The following KCNK2 variants were observed in gnomAD, a reference collection of about 807,000 sequenced individuals.
The protein encoded by KCNK2 is potassium two pore domain channel subfamily K member 2.
In KCNK2, 21 loss-of-function variants were observed where a neutral mutation model predicts 40.5. The observed-to-expected ratio is 0.52, with a 90% CI of 0.37 to 0.75. The LOEUF (loss-of-function observed/expected upper bound fraction) is 0.75, where lower values mean the gene tolerates loss of function less well. KCNK2 is among the 30% of genes least tolerant of loss of function. KCNK2 has a pLI of 0.00. For synonymous variants in KCNK2, 191 were observed against 202.2 expected, an observed-to-expected ratio of 0.94 and a Z score of 0.47; for missense variants, 399 against 531.6, an observed-to-expected ratio of 0.75 and a Z score of 2.45.
At chr1:215,036,908 A>G (rs1657404334) in intron 1 of KCNK2, among the ~76,000 whole-genome samples, 1 of 151,450 alleles carries the variant, frequency 6.6e-6, no homozygotes, top group Non-Finnish European at 1.5e-5. Flanking sequence ...TATTTGTTCT[A>G]ATATTTGCTT....
chr1:215,144,158 T>C (rs538411417), intron 3 of KCNK2, among the ~76,000 whole-genome samples: 2 of 152,326 alleles, frequency 1.3e-5, no homozygotes, highest in East Asian at 1.9e-4. Flanking sequence ...CCCTTTTTTC[T>C]AATGTGTATC....
chr1:215,015,221 G>A (rs1478183717), intron 1 of KCNK2, among the ~76,000 whole-genome samples: 2 of 151,846 alleles, frequency 1.3e-5, no homozygotes, highest in African/African-American at 2.4e-5. Context: ...TCTGTTTTTT[G>A]GGGCCTGAGT....
At chr1:215,165,872 C>T (rs550630962) in intron 3 of KCNK2, among the ~76,000 whole-genome samples, 1 of 151,844 alleles carries the variant, frequency 6.6e-6, no homozygotes, top group East Asian at 1.9e-4. Context: ...ATAATTTGCC[C>T]AAGGTCACAT....
chr1:215,043,513 AG>A (rs1657637969), intron 1 of KCNK2, among the ~76,000 whole-genome samples: 1 of 152,262 alleles, frequency 6.6e-6, no homozygotes, highest in Non-Finnish European at 1.5e-5. Context: ...ATGAATCATA[AG>A]AACATTACGC....
Position 215,036,821 on chromosome 1 carries a change from A to G in KCNK2, c.34+30866A>G, listed in dbSNP as rs567811439. On this transcript the variant is annotated intron_variant, in intron 1 of 6. Coordinates refer to the KCNK2 transcript ENST00000391895. ...ATTGTTTAGTTAATTTGATTTTCCA[A>G]TTGTTTGTACTAGTATATAGAAATT... is the stretch of plus-strand genomic sequence containing the variant. Among the ~76,000 whole-genome samples, 18 of 151,850 alleles carry G rather than the reference A, an allele frequency of 1.2e-4. No homozygotes were observed. In the East Asian group the frequency reaches 2.5e-3, roughly 21 times the overall value.
At chr1:215,097,166 T>C (rs1333553199) in intron 2 of KCNK2, among the ~76,000 whole-genome samples, 2 of 152,016 alleles carry the variant, frequency 1.3e-5, no homozygotes, top group East Asian at 3.9e-4. Flanking sequence ...TGGTAAAATT[T>C]AACCAATGAC....
chr1:215,123,533 T>C (rs1255703578), intron 2 of KCNK2, among the ~76,000 whole-genome samples: 1 of 152,232 alleles, frequency 6.6e-6, no homozygotes, highest in East Asian at 1.9e-4. Context: ...TAATGGTCAG[T>C]TCTGAAATGA....
At chr1:215,158,070 A>T (rs2102620572) in intron 3 of KCNK2, among the ~76,000 whole-genome samples, 1 of 152,308 alleles carries the variant, frequency 6.6e-6, no homozygotes, top group African/African-American at 2.4e-5. Flanking sequence ...TGCCTCCTCC[A>T]AGACACAGAT....
At chr1:215,111,155 C>A (rs1270575552) in intron 2 of KCNK2, among the ~76,000 whole-genome samples, 1 of 152,064 alleles carries the variant, frequency 6.6e-6, no homozygotes, top group Non-Finnish European at 1.5e-5. Context: ...CATGTCTTTT[C>A]ATGTAATCTG....
At chr1:215,041,856 A>C (rs1657576304) in intron 1 of KCNK2, among the ~76,000 whole-genome samples, 1 of 152,200 alleles carries the variant, frequency 6.6e-6, no homozygotes, top group Non-Finnish European at 1.5e-5. Flanking sequence ...TGCTATGAAG[A>C]AATACCAGAG....
upstream of KCNK2, among the ~76,000 whole-genome samples, chr1:215,079,295 C>T (rs537151815): frequency 1.2e-4 from 19 of 152,066 alleles, no homozygotes; most frequent in Admixed American, 3.3e-4. Context: ...GGGTAATTTA[C>T]GAAGAAAAGA....
chr1:215,031,214 C>T (rs1196038855), intron 1 of KCNK2, among the ~76,000 whole-genome samples: 1 of 152,106 alleles, frequency 6.6e-6, no homozygotes, highest in Admixed American at 6.6e-5. Context: ...GTTGGCTATT[C>T]TAGGTCTTTT....
intron 6 of KCNK2, among the ~76,000 whole-genome samples, chr1:215,229,515 A>T (rs535504698): frequency 1.3e-5 from 2 of 152,084 alleles, no homozygotes; most frequent in African/African-American, 4.8e-5. Flanking sequence ...AATTAAAAAA[A>T]TTAGCTGGGC....
At chr1:215,210,175 A>G (rs926809118) in intron 6 of KCNK2, among the ~76,000 whole-genome samples, 6 of 148,244 alleles carry the variant, frequency 4.0e-5, no homozygotes, top group Non-Finnish European at 5.9e-5. Context: ...GTGTATGTAC[A>G]TATATGTGTG....
chr1:215,197,308 A>T (rs1215309951), intron 6 of KCNK2, among the ~76,000 whole-genome samples: 1 of 152,144 alleles, frequency 6.6e-6, no homozygotes, highest in Non-Finnish European at 1.5e-5. Flanking sequence ...ATAACATGGG[A>T]CTTTTTTTCC....
intron 1 of KCNK2, among the ~76,000 whole-genome samples, chr1:215,085,697 A>G (rs1659401097): frequency 6.6e-6 from 1 of 152,250 alleles, no homozygotes. Flanking sequence ...AAACATGTCC[A>G]AGATTGAAAA....
At chr1:215,067,763 G>T (rs1480428038) in intron 1 of KCNK2, among the ~76,000 whole-genome samples, 3 of 152,162 alleles carry the variant, frequency 2.0e-5, no homozygotes, top group Non-Finnish European at 2.9e-5. Context: ...CTACTTGGAA[G>T]GCTGAGGCAG....
chr1:215,170,971 A>G (rs569752179), intron 4 of KCNK2, among the ~76,000 whole-genome samples: 1 of 152,256 alleles, frequency 6.6e-6, no homozygotes, highest in South Asian at 2.1e-4. Context: ...TAATCTTTGT[A>G]AACATGAACT....
rs34925678 is a variant in KCNK2 at position 215,056,615 on chromosome 1, C to CTTT, written c.35-29735_35-29733dup. 3.1e-3 allele frequency among the ~76,000 whole-genome samples: 319 copies of CTTT among 103,926 alleles called. 12 individuals are homozygous for CTTT. The highest frequency in any genetic ancestry group is 6.7e-3 in the African/African-American group (176 of 26,132). 68.2% of individuals were successfully genotyped at this position (103,926 alleles called of 152,430 possible). On this transcript the variant is annotated intron_variant, in intron 1 of 6. Transcript: ENST00000391895. The stretch of plus-strand genomic sequence containing the variant: ...AGATTTGTAAAGGATTGTGTCCACT[C>CTTT]TTTTTTTTTTTTTTTTTTTTGGTAG...
Sources: gnomAD v4.1 joint callset for allele counts (sites outside exome capture counted in the v4.1 genomes callset) on GRCh38, gnomAD v4.1.1 for gene constraint, MANE v1.5 for transcripts, NCBI Gene and HGNC (gene_info 2026-07-23, HGNC 2026-07-21) for gene names.